The following PCDHA7 variants were observed in gnomAD, a reference collection of about 807,000 sequenced individuals.
The protein encoded by PCDHA7 is protocadherin alpha 7.
In PCDHA7, 37 loss-of-function variants were observed where a neutral mutation model predicts 57.2. The observed-to-expected ratio is 0.65, with a 90% confidence interval of 0.50 to 0.85. PCDHA7 has a LOEUF of 0.85. Ranked by LOEUF, PCDHA7 falls within the 40% of genes least tolerant of loss-of-function variation. The pLI, the probability that PCDHA7 is intolerant of heterozygous loss-of-function variation, is 0.00. For missense variants in PCDHA7, 1,188 were observed against 1,241.8 expected (o/e 0.96, Z 0.65); for synonymous variants, 553 against 558.8 (o/e 0.99, Z 0.15).
In PCDHA7 at chr5:140,835,789, C is replaced by T. The variant is rs2150244748; in HGVS notation, c.1406C>T (p.Pro469Leu). The T allele has an allele frequency of 6.8e-6, 11 of 1,612,988 alleles. No individual in the cohort carries two copies. The South Asian group carries it at 9.9e-5, about 14-fold the overall frequency. ...ACGGTGTTCGTGAAGGAGAACAACC[C>T]GCCGGGCTGCCACATCTTCACTGTG... ...EYTVFVKENN[P>L]PGCHIFTVSA... Residue 469 changes from proline to leucine, a missense_variant, in exon 1 of 4, where the codon CCG (proline) becomes CTG (leucine). Pro to Leu is a moderately conservative substitution (Grantham distance 98). This residue lies in a region of PCDHA7 where 892 missense variants were observed against 788.5 expected (regional missense o/e 1.13). Transcript: ENST00000525929.
intron 3 of PCDHA7, among the ~76,000 whole-genome samples, chr5:141,002,749 A>G (rs2098093412): frequency 1.3e-5 from 2 of 152,202 alleles, no homozygotes; most frequent in South Asian, 4.1e-4. Flanking sequence ...TACATCGACA[A>G]CCCTGTGATG....
At chr5:140,967,051 G>C in intron 1 of PCDHA7, 2 of 1,612,562 alleles carry the variant, frequency 1.2e-6, no homozygotes, top group Non-Finnish European at 1.7e-6. Context: ...TGGACCTGAC[G>C]AGTGGAGCGC....
At position 140,849,698 on chromosome 5, in the gene PCDHA7, C is replaced by A. The variant is rs2150445577; in HGVS notation, c.2355+12960C>A. 5 of 1,598,548 alleles carry A rather than the reference C, an allele frequency of 3.1e-6. No individual in the cohort carries two copies. The East Asian group carries it at 1.1e-4, about 36-fold the overall frequency. ...TCCCCTTCAAGCTGGTGTCCACCTA[C>A]AAGAATTACTACTCGTTGGTGCTGG... On this transcript the variant is annotated intron_variant, in intron 1 of 3. Coordinates refer to ENST00000525929, the MANE Select transcript of PCDHA7 (RefSeq NM_018910.3).
intron 1 of PCDHA7, among the ~76,000 whole-genome samples, chr5:140,910,364 TATGCCCACCTTGCC>T: frequency 6.6e-6 from 1 of 152,222 alleles, no homozygotes; most frequent in Admixed American, 6.5e-5. Context: ...TTATGGTAGC[TATGCCCACCTTGCC>T]TTTGACAGTT....
chr5:140,947,905 G>C (rs181055131), intron 1 of PCDHA7, among the ~76,000 whole-genome samples: 1 of 151,610 alleles, frequency 6.6e-6, no homozygotes, highest in East Asian at 1.9e-4. Flanking sequence ...GGTGAGAGCA[G>C]ACATTCTTGC....
intron 1 of PCDHA7, chr5:140,883,983 G>A (rs2059929181): frequency 6.2e-7 from 1 of 1,612,892 alleles, no homozygotes; most frequent in East Asian, 2.2e-5. Flanking sequence ...GGGGCTGGCA[G>A]CGCGGGAGGC....
At chr5:141,001,289 TGAGGCCCA>T (rs1387793441) in intron 3 of PCDHA7, among the ~76,000 whole-genome samples, 1 of 152,150 alleles carries the variant, frequency 6.6e-6, no homozygotes, top group Non-Finnish European at 1.5e-5. Context: ...GGATGAAAAC[TGAGGCCCA>T]GAGATATGAA....
At chr5:140,871,321 T>A in intron 1 of PCDHA7, 2 of 1,614,066 alleles carry the variant, frequency 1.2e-6, no homozygotes, top group Non-Finnish European at 1.7e-6. Flanking sequence ...CACGCTGGTG[T>A]GCTCCCGCGC....
At chr5:140,862,902 G>C (rs782710771) in intron 1 of PCDHA7, 1 of 554,284 alleles carries the variant, frequency 1.8e-6, no homozygotes, top group Non-Finnish European at 3.5e-6. Context: ...CTTTGTCTGC[G>C]CTGCTGGCGC....
intron 1 of PCDHA7, among the ~76,000 whole-genome samples, chr5:140,872,990 A>C (rs987650775): frequency 6.6e-6 from 1 of 152,184 alleles, no homozygotes; most frequent in African/African-American, 2.4e-5. Context: ...AAGATCATTT[A>C]CTTCTGAGTC....
chr5:140,913,960 T>A (rs114058923), intron 1 of PCDHA7, among the ~76,000 whole-genome samples: 2,762 of 152,276 alleles, frequency 0.018, 70 homozygotes, highest in African/African-American at 0.054. Context: ...ATATCATTTT[T>A]AAAAAAATAT....
intron 1 of PCDHA7, chr5:140,860,573 A>G (rs1299479847): frequency 6.6e-6 from 1 of 152,226 alleles, no homozygotes; most frequent in Non-Finnish European, 1.5e-5. Context: ...ATCATACACA[A>G]GAAGGTATAG....
At chr5:140,996,386 C>G (rs574909973) in intron 3 of PCDHA7, among the ~76,000 whole-genome samples, 1 of 152,268 alleles carries the variant, frequency 6.6e-6, no homozygotes, top group South Asian at 2.1e-4. Flanking sequence ...GAAATAATGC[C>G]TCATAGAGTT....
chr5:140,850,984 T>G (rs2150504982), intron 1 of PCDHA7: 15 of 1,451,674 alleles, frequency 1.0e-5, no homozygotes, highest in Non-Finnish European at 1.3e-5. Flanking sequence ...GTTTTATTCA[T>G]TTTTCTAGAA....
At chr5:140,889,144 A>G (rs2062119546) in intron 1 of PCDHA7, among the ~76,000 whole-genome samples, 1 of 151,794 alleles carries the variant, frequency 6.6e-6, no homozygotes, top group African/African-American at 2.4e-5. Flanking sequence ...TTTTCTTCCT[A>G]ATTTCTTCTT....
intron 1 of PCDHA7, chr5:140,848,409 C>A: frequency 7.4e-7 from 1 of 1,356,090 alleles, no homozygotes; most frequent in Non-Finnish European, 1.0e-6. Flanking sequence ...CGATGGCGAA[C>A]ACAGCAGAAT....
chr5:140,843,088 C>A (rs1554139726), intron 1 of PCDHA7: 4 of 1,595,530 alleles, frequency 2.5e-6, no homozygotes, highest in African/African-American at 1.3e-5. Context: ...GCGCGGGCCA[C>A]GTGGTAGCGA....
intron 1 of PCDHA7, chr5:140,871,125 G>T (rs1387416665): frequency 6.2e-7 from 1 of 1,613,330 alleles, no homozygotes; most frequent in Non-Finnish European, 8.5e-7. Context: ...GCGGACAGGC[G>T]CCAAAGGCCT....
chr5:140,854,230 A>G (rs2043046050), intron 1 of PCDHA7: 3 of 629,370 alleles, frequency 4.8e-6, no homozygotes, highest in Admixed American at 1.3e-4. Flanking sequence ...CTACATTGGG[A>G]TATTTATGTT....
Sources: allele counts gnomAD v4.1 joint callset (sites outside exome capture counted in the v4.1 genomes callset), GRCh38; gene constraint gnomAD v4.1.1; regional missense constraint gnomAD v4.1.1; transcripts MANE v1.5; gene names NCBI Gene and HGNC (gene_info 2026-07-23, HGNC 2026-07-21).